Variants in RPIA observed in about 807,000 individuals in gnomAD.
RPIA encodes the protein ribose 5-phosphate isomerase A.
In RPIA, 29 loss-of-function variants were observed where a neutral mutation model predicts 37.8. That is an observed-to-expected ratio of 0.77 (90% CI 0.57 to 1.05). The LOEUF is 1.05. Among genes scored for constraint, RPIA ranks in the 50% least tolerant of loss-of-function variants. The pLI is 0.00. For synonymous variants in RPIA, 167 were observed against 157.0 expected (o/e 1.06, Z -0.48); for missense variants, 385 against 413.6 (o/e 0.93, Z 0.60).
intron 1 of RPIA, among the ~76,000 whole-genome samples, chr2:88,694,395 G>A (rs1392487665): frequency 6.6e-6 from 1 of 152,234 alleles, no homozygotes; most frequent in African/African-American, 2.4e-5. Flanking sequence ...CCTGCCTGCT[G>A]GGGACTGTGA....
chr2:88,713,885 A>G lies in RPIA; in HGVS notation c.402+13821A>G, dbSNP rs575875624. ...TTGTTTTCTGAAAATTTTTCGTAGTAGGATCTTGTTCTTGTTTTATGGTTA... is the reference window on the plus strand; with the variant it reads ...TTGTTTTCTGAAAATTTTTCGTAGTGGGATCTTGTTCTTGTTTTATGGTTA... On this transcript the variant is annotated intron_variant, in intron 3 of 8. Transcript: ENST00000283646. 9.4e-5 allele frequency among the ~76,000 whole-genome samples: 14 copies of G among 148,196 alleles called. No individual in the cohort carries two copies. In the East Asian group the frequency reaches 1.2e-3, roughly 12 times the overall value.
intron 3 of RPIA, among the ~76,000 whole-genome samples, chr2:88,705,218 C>G (rs1262705374): frequency 1.3e-5 from 2 of 152,022 alleles, no homozygotes; most frequent in South Asian, 2.1e-4. Context: ...AAAAACTACC[C>G]TAAAATTCAT....
intron 3 of RPIA, among the ~76,000 whole-genome samples, chr2:88,709,017 A>C (rs1164457272): frequency 6.6e-6 from 1 of 152,156 alleles, no homozygotes; most frequent in East Asian, 1.9e-4. Context: ...GGGCCTCCCA[A>C]AGTGCTGGGG....
At chr2:88,695,628 G>A (rs1672730328) in intron 1 of RPIA, among the ~76,000 whole-genome samples, 1 of 152,198 alleles carries the variant, frequency 6.6e-6, no homozygotes, top group African/African-American at 2.4e-5. Context: ...GTACTGTGAT[G>A]TATCATTTAC....
intron 3 of RPIA, among the ~76,000 whole-genome samples, chr2:88,714,751 A>G (rs976754127): frequency 1.8e-4 from 28 of 152,190 alleles, no homozygotes; most frequent in African/African-American, 6.0e-4. Flanking sequence ...TTTCAACACA[A>G]TACCTGTGGT....
At chr2:88,742,386 C>G (rs1186334332) in intron 8 of RPIA, among the ~76,000 whole-genome samples, 4 of 152,168 alleles carry the variant, frequency 2.6e-5, no homozygotes, top group Non-Finnish European at 5.9e-5. Flanking sequence ...TCTGGCTTCT[C>G]TATTCTATTC....
In RPIA at chr2:88,719,401, A is replaced by G. The variant is rs187779912; in HGVS notation, c.403-9877A>G. Among the ~76,000 whole-genome samples the G allele has an allele frequency of 7.2e-5, 11 of 152,342 alleles. No homozygotes were observed. The East Asian group carries it at 9.6e-4, about 13-fold the overall frequency. On this transcript the variant is annotated intron_variant, in intron 3 of 8. Coordinates refer to ENST00000283646, the MANE Select transcript of RPIA (RefSeq NM_144563.3). Reference sequence around the variant, plus strand: ...AGCAAACACCATTTCATATTTGACAATGCTTCCTGTATAATTTTTATACCA... The same window carrying G: ...AGCAAACACCATTTCATATTTGACAGTGCTTCCTGTATAATTTTTATACCA...
At chr2:88,702,914 G>C (rs1252235798) in intron 3 of RPIA, among the ~76,000 whole-genome samples, 1 of 152,184 alleles carries the variant, frequency 6.6e-6, no homozygotes, top group African/African-American at 2.4e-5. Context: ...ATACACTGGG[G>C]GTACAGGTAT....
intron 3 of RPIA, among the ~76,000 whole-genome samples, chr2:88,728,962 T>G (rs72930710): frequency 4.8e-4 from 73 of 152,382 alleles, no homozygotes; most frequent in African/African-American, 1.7e-3. Flanking sequence ...TTAGGAATTT[T>G]TTGTCGCACT....
chr2:88,698,851 A>G (rs750029788), intron 2 of RPIA, among the ~76,000 whole-genome samples: 6 of 152,336 alleles, frequency 3.9e-5, no homozygotes, highest in Admixed American at 2.6e-4. Flanking sequence ...GCATTCTACC[A>G]TTGAGTTCTT....
At chr2:88,724,554 C>T (rs183054757) in intron 3 of RPIA, among the ~76,000 whole-genome samples, 1 of 152,220 alleles carries the variant, frequency 6.6e-6, no homozygotes, top group African/African-American at 2.4e-5. Flanking sequence ...GGTGATCTGC[C>T]CACCTCGGCC....
intron 3 of RPIA, among the ~76,000 whole-genome samples, chr2:88,706,385 G>A (rs575722518): frequency 2.0e-5 from 3 of 152,210 alleles, no homozygotes; most frequent in Admixed American, 6.5e-5. Context: ...AAAAAGGAAC[G>A]ATATCATGTC....
Position 88,692,251 on chromosome 2 carries a change from A to G in RPIA, c.285+268A>G, listed in dbSNP as rs376983711. On this transcript the variant is annotated intron_variant, in intron 1 of 8. Transcript: ENST00000283646. The stretch of plus-strand genomic sequence containing the variant: ...CCAGCTGGAACAGTTTGCAAAGTGG[A>G]GCCTGGTGCTGTCTGATGTTTGGAA... 1.1e-4 allele frequency among the ~76,000 whole-genome samples: 16 copies of G among 152,290 alleles called. No individual in the cohort carries two copies. The East Asian group carries it at 2.5e-3, about 24-fold the overall frequency.
intron 3 of RPIA, among the ~76,000 whole-genome samples, chr2:88,719,213 A>G (rs1260359987): frequency 6.6e-6 from 1 of 152,322 alleles, no homozygotes; most frequent in South Asian, 2.1e-4. Flanking sequence ...TAGTCAAGAC[A>G]CAGTTGACAA....
chr2:88,726,550 A>G (rs1351956991), intron 3 of RPIA, among the ~76,000 whole-genome samples: 1 of 152,104 alleles, frequency 6.6e-6, no homozygotes, highest in Non-Finnish European at 1.5e-5. Context: ...TACTATCTTC[A>G]GTGTCTGGTG....
At chr2:88,705,432 C>T (rs189084787) in intron 3 of RPIA, among the ~76,000 whole-genome samples, 4 of 152,164 alleles carry the variant, frequency 2.6e-5, no homozygotes, top group Non-Finnish European at 4.4e-5. Flanking sequence ...ATCTGATCTT[C>T]GACAAACCTG....
chr2:88,703,593 T>C (rs1411181511), intron 3 of RPIA, among the ~76,000 whole-genome samples: 1 of 152,180 alleles, frequency 6.6e-6, no homozygotes, highest in Non-Finnish European at 1.5e-5. Flanking sequence ...GTCCCTAGGC[T>C]GCACACAGCT....
At chr2:88,736,456 C>A in intron 6 of RPIA, 79 bp from the exon 7 acceptor site, 2 of 1,509,876 alleles carry the variant, frequency 1.3e-6, no homozygotes, top group Non-Finnish European at 1.8e-6. Context: ...ATCTCATTAA[C>A]CCTGTTCCTG....
intron 3 of RPIA, among the ~76,000 whole-genome samples, chr2:88,705,796 G>A (rs765882571): frequency 5.9e-5 from 9 of 152,090 alleles, no homozygotes; most frequent in African/African-American, 2.2e-4. Flanking sequence ...GAAAATTTTT[G>A]CAATCTATCC....
Sources: allele counts gnomAD v4.1 joint callset (sites outside exome capture counted in the v4.1 genomes callset), GRCh38; gene constraint gnomAD v4.1.1; transcripts MANE v1.5; gene names NCBI Gene and HGNC (gene_info 2026-07-23, HGNC 2026-07-21).